NUDT3: variants seen among roughly 807,000 people sequenced by gnomAD.
The protein encoded by NUDT3 is diphosphoinositol polyphosphate phosphohydrolase 1.
Under a neutral mutation model 23.6 loss-of-function variants are expected in NUDT3, and 9 were observed. The ratio of observed to expected loss-of-function variants is 0.38; its 90% CI spans 0.23 to 0.66. NUDT3 has a LOEUF of 0.66. Among genes scored for constraint, NUDT3 ranks in the 30% least tolerant of loss-of-function variants. The pLI is 0.52. For missense variants in NUDT3, 172 were observed against 218.5 expected (o/e 0.79, Z 1.34); for synonymous variants, 86 against 82.6 (o/e 1.04, Z -0.22).
In NUDT3 at chr6:34,280,672, A is replaced by T. The variant is rs1187959106; in HGVS notation, c.*8081T>A. ...AAACAGGAGATCTATATATGCTCTC[A>T]TCCTGCAACCCAAGAGATTAGGTGA... On this transcript the variant is annotated 3_prime_UTR_variant, in exon 5 of 5. Coordinates refer to ENST00000607016, the MANE Select transcript of NUDT3 (RefSeq NM_006703.4). The T allele has an allele frequency of 1.3e-5, 2 of 152,216 alleles. No individual in the cohort carries two copies. The highest frequency in any genetic ancestry group is 1.9e-4 in the East Asian group (1 of 5,192). The allele number at this position is 152,216 out of a possible 1,614,324, so 9.4% of individuals were successfully genotyped here.
chr6:34,325,966 TC>T (rs1378257999), intron 2 of NUDT3, among the ~76,000 whole-genome samples: 2 of 152,264 alleles, frequency 1.3e-5, no homozygotes, highest in Non-Finnish European at 2.9e-5. Context: ...GCTTATTTTC[TC>T]AACTTTTCAT....
chr6:34,372,598 A>G (rs911387021), intron 1 of NUDT3, among the ~76,000 whole-genome samples: 2 of 151,998 alleles, frequency 1.3e-5, no homozygotes, highest in African/African-American at 4.8e-5. Context: ...TGAGGTCACG[A>G]GTTCGAGACT....
In NUDT3 at chr6:34,345,038, T is replaced by TTTTTG. The variant is rs750277811; in HGVS notation, c.100-3071_100-3067dup. Among the ~76,000 whole-genome samples the TTTTTG allele has an allele frequency of 1.1e-4, 17 of 151,416 alleles. No individual in the cohort carries two copies. In the East Asian group the frequency reaches 1.2e-3, roughly 11 times the overall value. Reference sequence around the variant, plus strand: ...AGAAAACTAGTTTTGCAATCACAGTTTTTTGTTTTGTTTTGTTTTGTTTCT... The same window carrying TTTTTG: ...AGAAAACTAGTTTTGCAATCACAGTTTTTTGTTTTGTTTTGTTTTGTTTTGTTTCT... On this transcript the variant is annotated intron_variant, in intron 1 of 4. Coordinates refer to ENST00000607016, the MANE Select transcript of NUDT3 (RefSeq NM_006703.4).
chr6:34,308,075 C>T (rs931553138), intron 2 of NUDT3, among the ~76,000 whole-genome samples: 3 of 116,668 alleles, frequency 2.6e-5, no homozygotes, highest in Admixed American at 1.1e-4. Flanking sequence ...GAACCAAGAT[C>T]GTGCCACTGC....
chr6:34,322,983 G>GC (rs1763968853), intron 2 of NUDT3, among the ~76,000 whole-genome samples: 1 of 152,154 alleles, frequency 6.6e-6, no homozygotes. Flanking sequence ...ATTATCCTAA[G>GC]CAAATTAACA....
At chr6:34,389,115 G>A (rs1303083263) in intron 1 of NUDT3, among the ~76,000 whole-genome samples, 2 of 152,082 alleles carry the variant, frequency 1.3e-5, no homozygotes, top group Non-Finnish European at 2.9e-5. Context: ...CTATGGCTCT[G>A]TGTCCCCACC....
chr6:34,351,520 T>C (rs1764476248), intron 1 of NUDT3, among the ~76,000 whole-genome samples: 1 of 149,010 alleles, frequency 6.7e-6, no homozygotes, highest in Admixed American at 6.7e-5. Context: ...GGCGGGCATG[T>C]CACCTGAGGT....
At chr6:34,371,529 G>A (rs189400988) in intron 1 of NUDT3, among the ~76,000 whole-genome samples, 2 of 152,100 alleles carry the variant, frequency 1.3e-5, no homozygotes, top group Admixed American at 6.6e-5. Flanking sequence ...CAGATTCAAC[G>A]TGGGAAACAG....
intron 1 of NUDT3, among the ~76,000 whole-genome samples, chr6:34,379,572 T>G (rs1240406889): frequency 6.6e-6 from 1 of 151,316 alleles, no homozygotes; most frequent in African/African-American, 2.4e-5. Context: ...AAAAAAAAAG[T>G]AATCCACAGA....
At chr6:34,350,798 C>T (rs919245482) in intron 1 of NUDT3, among the ~76,000 whole-genome samples, 3 of 150,666 alleles carry the variant, frequency 2.0e-5, no homozygotes, top group Admixed American at 2.0e-4. Context: ...CATTGCTTCA[C>T]CTTAGTTAGC....
At chr6:34,314,023 G>C (rs1219007184) in intron 2 of NUDT3, among the ~76,000 whole-genome samples, 1 of 152,004 alleles carries the variant, frequency 6.6e-6, no homozygotes, top group Admixed American at 6.6e-5. Context: ...CTTGAACCCA[G>C]GAGGCGGAGG....
At chr6:34,341,790 T>G in intron 2 of NUDT3, 72 bp downstream of exon 2, 1 of 1,376,368 alleles carries the variant, frequency 7.3e-7, no homozygotes, top group South Asian at 1.3e-5. Context: ...TGCTGACATA[T>G]TAAAGAACTA....
chr6:34,290,477 T>A (rs1419445676), intron 4 of NUDT3, among the ~76,000 whole-genome samples: 1 of 142,348 alleles, frequency 7.0e-6, no homozygotes, highest in Non-Finnish European at 1.5e-5. Context: ...TGCCTTAGCC[T>A]CCCAAAGTAC....
Position 34,282,829 on chromosome 6 carries a change from G to C in NUDT3, c.*5924C>G, listed in dbSNP as rs1028830738. 3.7e-4 allele frequency: 57 copies of C among 152,246 alleles called. No individual in the cohort carries two copies. The highest frequency in any genetic ancestry group is 1.3e-3 in the African/African-American group (54 of 41,550). The allele number at this position is 152,246 out of a possible 1,614,324, so 9.4% of individuals were successfully genotyped here. ...TGCTTCCTGATAGGAAGTCAAATAA[G>C]TTTTAGTATTAAGAACTGGGGATAT... is the stretch of plus-strand genomic sequence containing the variant. On this transcript the variant is annotated 3_prime_UTR_variant, in exon 5 of 5. Coordinates refer to ENST00000607016, the MANE Select transcript of NUDT3 (RefSeq NM_006703.4).
At position 34,299,643 on chromosome 6, in the gene NUDT3, C is replaced by T. The variant is rs192612659; in HGVS notation, c.211-3958G>A. On this transcript the variant is annotated intron_variant, in intron 2 of 4. Transcript: ENST00000607016. Reference sequence around the variant, plus strand: ...TTTAAAGTCCAGGTGTGGTGACTCACGCCTATAATCCCAGCACTTTGGGAG... The same window carrying T: ...TTTAAAGTCCAGGTGTGGTGACTCATGCCTATAATCCCAGCACTTTGGGAG... 9.5e-4 allele frequency among the ~76,000 whole-genome samples: 142 copies of T among 149,998 alleles called. No individual in the cohort carries two copies. The South Asian group carries it at 0.011, about 12-fold the overall frequency.
rs148973191 is a variant in NUDT3, at chr6:34,346,129, C to G, written c.100-4157G>C. The stretch of plus-strand genomic sequence containing the variant: ...CACTCATTCTCTTCAATAACTGTGA[C>G]CAATCTTACATTTTACAACATTCTT... On this transcript the variant is annotated intron_variant, in intron 1 of 4. Transcript: ENST00000607016. Among the ~76,000 whole-genome samples, 2 of 152,022 alleles carry G rather than the reference C, an allele frequency of 1.3e-5. 1 individual carries two copies. The highest frequency in any genetic ancestry group is 2.9e-5 in the Non-Finnish European group (2 of 68,022).
At chr6:34,392,103 C>T (rs544065286) in intron 1 of NUDT3, among the ~76,000 whole-genome samples, 161 bp downstream of exon 1, 194 of 152,278 alleles carry the variant, frequency 1.3e-3, no homozygotes, top group African/African-American at 4.5e-3. Flanking sequence ...AACGTCCTTT[C>T]TCCTTCCCCC....
intron 2 of NUDT3, among the ~76,000 whole-genome samples, chr6:34,320,642 C>T (rs887632916): frequency 2.6e-5 from 4 of 151,950 alleles, no homozygotes; most frequent in African/African-American, 9.7e-5. Flanking sequence ...GAGACCAGCC[C>T]GGTCAACATG....
At position 34,293,468 on chromosome 6, in the gene NUDT3, T is replaced by C. The variant is rs1763453490; in HGVS notation, c.323A>G (p.Glu108Gly). The change falls in exon 4 of 5, where the codon GAA becomes GGA. Residue 108 changes from glutamate to glycine, a missense_variant. Physicochemically the swap from Glu to Gly is moderately conservative, Grantham distance 98. Around this residue, in one of 3 missense-constraint regions of NUDT3, gnomAD observed 59 missense variants for 107.4 expected, o/e 0.55. Transcript: ENST00000607016. ...TGGCTTACCAATGTTAACTGAATCT[T>C]CCCAGTCTTCCAGCACTTCAGTGAC... ...LIVTEVLEDW[E>G]DSVNIGRKRE... 6.2e-7 allele frequency: 1 copy of C among 1,614,072 alleles called. No homozygotes were observed. The highest frequency in any genetic ancestry group is 8.5e-7 in the Non-Finnish European group (1 of 1,180,024).
Sources: allele counts gnomAD v4.1 joint callset (sites outside exome capture counted in the v4.1 genomes callset), GRCh38; gene constraint gnomAD v4.1.1; regional missense constraint gnomAD v4.1.1; transcripts MANE v1.5; gene names NCBI Gene and HGNC (gene_info 2026-07-23, HGNC 2026-07-21).